The following MRPL49 variants were observed in gnomAD, a reference collection of about 807,000 sequenced individuals.
MRPL49 encodes the protein mitochondrial ribosomal protein L49, also known as large ribosomal subunit protein mL49.
Under a neutral mutation model 18.4 loss-of-function variants are expected in MRPL49, and 14 were observed. The ratio of observed to expected loss-of-function variants is 0.76; its 90% CI spans 0.50 to 1.19. The LOEUF (loss-of-function observed/expected upper bound fraction) is 1.19, where lower values mean the gene tolerates loss of function less well. Ranked by LOEUF, MRPL49 falls within the 50% of genes most tolerant of loss-of-function variation. MRPL49 has a pLI of 0.00. For missense variants in MRPL49, 190 were observed against 217.8 expected, an observed-to-expected ratio of 0.87 and a Z score of 0.80; for synonymous variants, 104 against 86.2, an observed-to-expected ratio of 1.21 and a Z score of -1.14.
upstream of MRPL49, chr11:65,122,229 C>G: frequency 9.2e-7 from 1 of 1,085,908 alleles, no homozygotes; most frequent in East Asian, 2.6e-5. Flanking sequence ...CCGCCCAAGG[C>G]AGTCCTAGCT....
Position 65,126,935 on chromosome 11 carries a change from C to A in MRPL49, c.*1063C>A, listed in dbSNP as rs1948108604. 1 of 660,268 alleles carries A rather than the reference C, an allele frequency of 1.5e-6. No individual in the cohort carries two copies. The highest frequency in any genetic ancestry group is 1.8e-5 in the African/African-American group (1 of 56,034). The allele number at this position is 660,268 out of a possible 1,614,324, so 40.9% of individuals were successfully genotyped here. A position where few individuals can be genotyped will look rare whatever the true frequency, so the allele number is the denominator to read the frequency against. On this transcript the variant is annotated 3_prime_UTR_variant, in exon 4 of 4. Coordinates refer to ENST00000279242, the MANE Select transcript of MRPL49 (RefSeq NM_004927.4). ...CTGACCTTTCACCCTGCCATCCCAT[C>A]CCAACCCCAGCTCACTAGCCTTCAT...
intron 1 of MRPL49, among the ~76,000 whole-genome samples, chr11:65,123,055 C>A (rs1398913642): frequency 6.6e-6 from 1 of 152,184 alleles, no homozygotes; most frequent in Non-Finnish European, 1.5e-5. Context: ...TAAGATTAAA[C>A]ATCACTATAT....
chr11:65,125,463 T>A (rs776030377), intron 2 of MRPL49, 25 bp from the exon 3 acceptor site: 9 of 1,612,524 alleles, frequency 5.6e-6, no homozygotes, highest in Non-Finnish European at 6.8e-6. Flanking sequence ...AAGAGTTGAT[T>A]TAACAGTGTC....
intron 1 of MRPL49, among the ~76,000 whole-genome samples, chr11:65,123,882 A>ATTTGTTTTGT (rs755873128): frequency 6.6e-6 from 1 of 151,912 alleles, no homozygotes; most frequent in Non-Finnish European, 1.5e-5. Flanking sequence ...CCATGCAGGA[A>ATTTGTTTTGT]TTTGTTTTGT....
chr11:65,124,769 A>G, intron 2 of MRPL49, 117 bp downstream of exon 2: 2 of 1,177,474 alleles, frequency 1.7e-6, no homozygotes, highest in Non-Finnish European at 2.4e-6. Flanking sequence ...TCATTTTGCA[A>G]TCCCTCTGGG....
chr11:65,124,476 GA>G (rs762762722), intron 1 of MRPL49, 25 bp from the exon 2 acceptor site: 1 of 1,610,306 alleles, frequency 6.2e-7, no homozygotes, highest in South Asian at 1.1e-5. Context: ...GGCTAATGGA[GA>G]AATGGGATTT....
intron 1 of MRPL49, among the ~76,000 whole-genome samples, chr11:65,123,794 C>G (rs1218783933): frequency 1.3e-5 from 2 of 152,138 alleles, no homozygotes; most frequent in African/African-American, 4.8e-5. Context: ...TGTTTTGAGA[C>G]AGTTATCCTT....
chr11:65,126,604 A>G lies in MRPL49; in HGVS notation c.*732A>G, dbSNP rs1432367099. ...AAGCTCACTGTTGCAAATACCCCCA[A>G]GCCTTTGCTCTAGGCCAGATCTTGT... On this transcript the variant is annotated 3_prime_UTR_variant, in exon 4 of 4. Transcript: ENST00000279242. 1 of 180,496 alleles carries G rather than the reference A, an allele frequency of 5.5e-6. No homozygotes were observed. The highest frequency in any genetic ancestry group is 1.5e-4 in the East Asian group (1 of 6,880). The allele number at this position is 180,496 out of a possible 1,614,324, so 11.2% of individuals were successfully genotyped here. A position where few individuals can be genotyped will look rare whatever the true frequency, so the allele number is the denominator to read the frequency against.
chr11:65,125,238 T>C (rs1181377958), intron 2 of MRPL49: 10 of 495,702 alleles, frequency 2.0e-5, no homozygotes, highest in Non-Finnish European at 7.1e-6. Context: ...CAGGGAGGCA[T>C]GTCCCTGATT....
chr11:65,124,648 C>G lies in MRPL49; in HGVS notation c.225C>G (p.Pro75=). The G allele has an allele frequency of 6.2e-7, 1 of 1,613,940 alleles. No individual in the cohort carries two copies. Among genetic ancestry groups the G allele is most frequent in the South Asian group, 1.1e-5 (1 of 91,058 alleles). The change falls in exon 2 of 4, where the codon CCC becomes CCG. Residue 75 remains proline, a synonymous_variant. Transcript: ENST00000279242. ...HYPTPSGWQP[P]RDPPPNLPYF... ...CTACCCCTAGTGGCTGGCAGCCTCC[C>G]AGAGGTGAGCTGGGTGGTTAGGGAT...
In MRPL49 at chr11:65,125,495, A is replaced by T. The variant is rs1034831297; in HGVS notation, c.237A>T (p.Pro79=). 3 of 1,613,378 alleles carry T rather than the reference A, an allele frequency of 1.9e-6. No individual in the cohort carries two copies. The African/African-American group carries it at 4.0e-5, about 22-fold the overall frequency. Residue 79 remains proline (P), a synonymous_variant, in exon 3 of 4, where the codon CCA becomes CCT. Coordinates refer to ENST00000279242, the MANE Select transcript of MRPL49 (RefSeq NM_004927.4). ...TGTCTTTCCCTGTTGCAGACCCCCC[A>T]CCCAACCTGCCTTACTTTGTACGAC... ...PSGWQPPRDP[P]PNLPYFVRRS...
At chr11:65,122,970 C>T (rs1353848081) in intron 1 of MRPL49, among the ~76,000 whole-genome samples, 1 of 152,096 alleles carries the variant, frequency 6.6e-6, no homozygotes. Context: ...CCGCCCGCCT[C>T]GGCCTCCCAA....
At chr11:65,122,295 C>T (rs1948058345), upstream of MRPL49, 11 of 1,589,906 alleles carry the variant, frequency 6.9e-6, no homozygotes, top group Non-Finnish European at 9.4e-6. Flanking sequence ...TCGCGCAGGA[C>T]GGGGCGGGAC....
chr11:65,127,206 C>G lies in MRPL49; in HGVS notation c.*1334C>G. ...ACCCTCACTCCTGGAGATTCCATTC[C>G]ATTTTCAAGTGTACAGCCACAGCAA... On this transcript the variant is annotated 3_prime_UTR_variant, in exon 4 of 4. Coordinates refer to ENST00000279242, the MANE Select transcript of MRPL49 (RefSeq NM_004927.4). 1 of 549,734 alleles carries G rather than the reference C, an allele frequency of 1.8e-6. No homozygotes were observed. Among genetic ancestry groups the G allele is most frequent in the Non-Finnish European group, 3.2e-6 (1 of 310,654 alleles). 34.1% of individuals were successfully genotyped at this position (549,734 alleles called of 1,614,324 possible). A position where few individuals can be genotyped will look rare whatever the true frequency, so the allele number is the denominator to read the frequency against.
chr11:65,123,405 T>A (rs1948072039), intron 1 of MRPL49, among the ~76,000 whole-genome samples: 1 of 152,168 alleles, frequency 6.6e-6, no homozygotes, highest in South Asian at 2.1e-4. Context: ...ATAGACTATG[T>A]GCTTATCAGG....
chr11:65,124,510 C>A lies in MRPL49; in HGVS notation c.87C>A (p.Thr29=). Residue 29 remains threonine, a synonymous_variant, in exon 2 of 4, where the codon ACC becomes ACA. Transcript: ENST00000279242. The stretch of plus-strand genomic sequence containing the variant: ...TTTTTGTTTTGCTTCAGAGCCAGAC[C>A]CAGGGCCCTCCAGATTACCCCAGGT... The part of the protein sequence containing the change: ...RGCGLRLLSQ[T]QGPPDYPRFV... 6.2e-7 allele frequency: 1 copy of A among 1,613,918 alleles called. No homozygotes were observed. Among genetic ancestry groups the A allele is most frequent in the East Asian group, 2.2e-5 (1 of 44,892 alleles).
chr11:65,124,897 C>CA (rs778851886), intron 2 of MRPL49: 1 of 423,298 alleles, frequency 2.4e-6, no homozygotes, highest in African/African-American at 2.0e-5. Flanking sequence ...AAGTAAACAA[C>CA]AGAGAGAAAA....
At chr11:65,122,451 G>A (rs1411244460) in intron 1 of MRPL49, 27 bp downstream of exon 1, 2 of 1,597,632 alleles carry the variant, frequency 1.3e-6, no homozygotes, top group South Asian at 1.1e-5. Context: ...AGGAGCTGAG[G>A]GCATCGCGTG....
In MRPL49 at chr11:65,127,279, T is replaced by C. The variant is rs1948113122; in HGVS notation, c.*1407T>C. On this transcript the variant is annotated 3_prime_UTR_variant, in exon 4 of 4. Transcript: ENST00000279242. ...GATTCTGTGACACAAACCCCACCAA[T>C]TGTTAATGCAAGTTTTTATTTGGCT... 8.7e-6 allele frequency: 4 copies of C among 461,818 alleles called. No individual in the cohort carries two copies. Among genetic ancestry groups the C allele is most frequent in the African/African-American group, 2.0e-5 (1 of 49,860 alleles). 28.6% of individuals were successfully genotyped at this position (461,818 alleles called of 1,614,324 possible).
Sources: gnomAD v4.1 joint callset for allele counts (sites outside exome capture counted in the v4.1 genomes callset) on GRCh38, gnomAD v4.1.1 for gene constraint, MANE v1.5 for transcripts, NCBI Gene and HGNC (gene_info 2026-07-23, HGNC 2026-07-21) for gene names.